The following CALD1 variants were observed in gnomAD, a reference collection of about 807,000 sequenced individuals.
CALD1 encodes caldesmon 1, also known as caldesmon.
A neutral mutation model predicts 99.9 loss-of-function variants in CALD1; 33 were observed. The observed-to-expected ratio is 0.33, with a 90% CI of 0.25 to 0.44. The LOEUF is 0.44. Among genes scored for constraint, CALD1 ranks in the 20% least tolerant of loss-of-function variants. The pLI is 1.00. For synonymous variants in CALD1, 310 were observed against 325.0 expected, an observed-to-expected ratio of 0.95 and a Z score of 0.50; for missense variants, 861 against 962.1, an observed-to-expected ratio of 0.89 and a Z score of 1.39.
At chr7:134,829,357 C>T (rs888798524) in intron 1 of CALD1, among the ~76,000 whole-genome samples, 18 of 152,152 alleles carry the variant, frequency 1.2e-4, no homozygotes, top group African/African-American at 4.1e-4. Flanking sequence ...TACGTGAAAA[C>T]GTTATCATCT....
chr7:134,909,685 C>T (rs1466806406), intron 3 of CALD1, among the ~76,000 whole-genome samples: 1 of 151,638 alleles, frequency 6.6e-6, no homozygotes, highest in South Asian at 2.1e-4. Flanking sequence ...GAGCAAAACG[C>T]AGTCTCAAAA....
chr7:134,958,969 G>A (rs1808037491), intron 11 of CALD1, among the ~76,000 whole-genome samples: 1 of 146,702 alleles, frequency 6.8e-6, no homozygotes, highest in Non-Finnish European at 1.5e-5. Context: ...GGGTTTAAAT[G>A]TCACTTCCTC....
rs902202269 is a variant in CALD1, at chr7:134,936,117, AT to A, written c.1386+360del. Among the ~76,000 whole-genome samples the A allele has an allele frequency of 4.9e-4, 75 of 152,172 alleles. 1 individual carries two copies. Among genetic ancestry groups the A allele is most frequent in the African/African-American group, 1.6e-3 (68 of 41,506 alleles). On this transcript the variant is annotated intron_variant, in intron 6 of 14. Coordinates refer to ENST00000361675, the MANE Select transcript of CALD1 (RefSeq NM_033138.4). ...CTGTTTTCTATTCTTCTGAATGCTA[AT>A]TTTTTTTCCTTGAGCCATTCTACTT...
intron 3 of CALD1, among the ~76,000 whole-genome samples, chr7:134,898,119 G>A (rs1398023783): frequency 6.6e-6 from 1 of 152,044 alleles, no homozygotes; most frequent in African/African-American, 2.4e-5. Context: ...AGTTTTTTTG[G>A]ATGGGAGTCA....
At chr7:134,929,646 G>GTGTGTGTGTATA (rs1488854871) in intron 4 of CALD1, among the ~76,000 whole-genome samples, 3 of 7,912 alleles carry the variant, frequency 3.8e-4, no homozygotes, top group Admixed American at 1.4e-3. Flanking sequence ...GTGTGTGTGT[G>GTGTGTGTGTATA]TATATATATA....
chr7:134,715,167 TAATA>T, the CALD1 span, among the ~76,000 whole-genome samples: 1 of 152,220 alleles, frequency 6.6e-6, no homozygotes, highest in Admixed American at 6.5e-5. Context: ...AAAGAAATTA[TAATA>T]AATACACACT....
intron 3 of CALD1, among the ~76,000 whole-genome samples, chr7:134,869,296 A>G (rs1457218428): frequency 6.6e-6 from 1 of 152,222 alleles, no homozygotes; most frequent in Admixed American, 6.5e-5. Context: ...TTTAAGGGAA[A>G]ATGGATTGGA....
intron 2 of CALD1, among the ~76,000 whole-genome samples, chr7:134,860,912 A>C (rs1359119189): frequency 1.3e-5 from 2 of 152,222 alleles, no homozygotes; most frequent in African/African-American, 4.8e-5. Context: ...AAAAAGAATG[A>C]GTAAAAATGT....
At chr7:134,816,984 C>T (rs3823566) in intron 1 of CALD1, among the ~76,000 whole-genome samples, 37,570 of 152,068 alleles carry the variant, frequency 0.25, 5,277 homozygotes, top group African/African-American at 0.39. Context: ...AATTGGATTA[C>T]TTGTTGTCAC....
At chr7:134,924,464 CTGTT>C (rs1456850107) in intron 3 of CALD1, among the ~76,000 whole-genome samples, 2 of 152,002 alleles carry the variant, frequency 1.3e-5, no homozygotes, top group South Asian at 2.1e-4. Flanking sequence ...TAAGAAATGA[CTGTT>C]TGCTTTGCTT....
rs79339470 is a variant in CALD1 at position 134,825,097 on chromosome 7, A to T, written c.-129-18787A>T. Among the ~76,000 whole-genome samples the T allele has an allele frequency of 4.7e-3, 715 of 152,316 alleles. 11 individuals carry two copies. Among genetic ancestry groups the T allele is most frequent in the African/African-American group, 0.016 (673 of 41,578 alleles). ...AAGTAATAGATTCCAAGTGTTTAAT[A>T]CTTATAATGGAAAGAGGTTTTTCTA... On this transcript the variant is annotated intron_variant, in intron 1 of 14. Transcript: ENST00000361675.
chr7:134,827,768 G>A (rs1799061960), intron 1 of CALD1, among the ~76,000 whole-genome samples: 1 of 152,210 alleles, frequency 6.6e-6, no homozygotes, highest in African/African-American at 2.4e-5. Flanking sequence ...ATGGACTGAG[G>A]TTCAGATAGA....
At chr7:134,922,950 G>A (rs2132832750) in intron 3 of CALD1, among the ~76,000 whole-genome samples, 1 of 152,296 alleles carries the variant, frequency 6.6e-6, no homozygotes, top group East Asian at 1.9e-4. Flanking sequence ...TGTAACACCA[G>A]GGCCCTTAAG....
intron 1 of CALD1, among the ~76,000 whole-genome samples, chr7:134,835,095 G>A (rs970445715): frequency 2.6e-5 from 4 of 152,228 alleles, no homozygotes; most frequent in African/African-American, 7.2e-5. Context: ...TCAGCTGAAT[G>A]TGCAAAGAGA....
intron 1 of CALD1, among the ~76,000 whole-genome samples, chr7:134,840,012 C>G (rs1164890961): frequency 6.6e-6 from 1 of 152,088 alleles, no homozygotes; most frequent in Non-Finnish European, 1.5e-5. Context: ...ATCCATATTG[C>G]TAATATTTTC....
At chr7:134,875,738 TA>T (rs1334814255) in intron 3 of CALD1, among the ~76,000 whole-genome samples, 1 of 152,240 alleles carries the variant, frequency 6.6e-6, no homozygotes, top group Non-Finnish European at 1.5e-5. Flanking sequence ...AGCAATAGAC[TA>T]AACAAAGACT....
At chr7:134,949,924 A>G (rs1418975032) in intron 8 of CALD1, among the ~76,000 whole-genome samples, 1 of 151,482 alleles carries the variant, frequency 6.6e-6, no homozygotes, top group Non-Finnish European at 1.5e-5. Flanking sequence ...AAAAAAAATC[A>G]CAAAAAGGTC....
intron 2 of CALD1, among the ~76,000 whole-genome samples, chr7:134,860,750 G>A (rs575031299): frequency 2.6e-5 from 4 of 152,322 alleles, no homozygotes; most frequent in South Asian, 4.1e-4. Context: ...AGCTGACAGT[G>A]TGTTATTGAT....
Position 134,853,331 on chromosome 7 carries a change from T to G in CALD1, c.-42+9360T>G, listed in dbSNP as rs1192847498. Among the ~76,000 whole-genome samples, 3 of 152,194 alleles carry G rather than the reference T, an allele frequency of 2.0e-5. No individual in the cohort carries two copies. The East Asian group carries it at 5.8e-4, about 29-fold the overall frequency. ...CACCTAGGGGAGCAAATGTCTGGCA[T>G]GTACTCGATGTCAATTTAATTTGTT... is the stretch of plus-strand genomic sequence containing the variant. On this transcript the variant is annotated intron_variant, in intron 2 of 14. Transcript: ENST00000361675.
Sources: allele counts gnomAD v4.1 joint callset (sites outside exome capture counted in the v4.1 genomes callset), GRCh38; gene constraint gnomAD v4.1.1; transcripts MANE v1.5; gene names NCBI Gene and HGNC (gene_info 2026-07-23, HGNC 2026-07-21).